Variants in MAML2 observed in about 807,000 individuals in gnomAD.
MAML2 encodes the protein mastermind-like protein 2.
MAML2 carries 22 observed loss-of-function variants against 96.1 expected under a neutral mutation model. The observed-to-expected ratio is 0.23, with a 90% confidence interval of 0.16 to 0.33. The LOEUF is 0.33. MAML2 is among the 10% of genes least tolerant of loss of function. The probability of loss-of-function intolerance (pLI) is 1.00; values close to 1 mark genes in which losing one functional copy is unlikely to be tolerated. For synonymous variants in MAML2, 561 were observed against 521.3 expected (o/e 1.08, Z -1.04); for missense variants, 1,367 against 1,392.4 (o/e 0.98, Z 0.29).
intron 1 of MAML2, among the ~76,000 whole-genome samples, chr11:96,149,836 T>C (rs1417737445): frequency 1.3e-5 from 2 of 152,192 alleles, no homozygotes; most frequent in Non-Finnish European, 2.9e-5. Context: ...GGTCTCCTTC[T>C]CCTTCTCTCT....
chr11:96,078,438 A>T (rs1429008791), intron 2 of MAML2, among the ~76,000 whole-genome samples: 1 of 152,252 alleles, frequency 6.6e-6, no homozygotes. Context: ...TTGTTCCTAC[A>T]GGAAAATCTG....
intron 1 of MAML2, among the ~76,000 whole-genome samples, chr11:96,289,306 G>A (rs1057310920): frequency 1.3e-5 from 2 of 152,150 alleles, no homozygotes; most frequent in Admixed American, 6.5e-5. Context: ...AAGGATAACT[G>A]TGCTTTTATA....
chr11:96,219,953 A>T (rs893657310), intron 1 of MAML2, among the ~76,000 whole-genome samples: 1 of 152,180 alleles, frequency 6.6e-6, no homozygotes, highest in Non-Finnish European at 1.5e-5. Context: ...TCCCTCAGTA[A>T]AATGAGACTA....
At chr11:96,324,321 A>G (rs754368963) in intron 1 of MAML2, among the ~76,000 whole-genome samples, 3 of 152,234 alleles carry the variant, frequency 2.0e-5, no homozygotes, top group Non-Finnish European at 4.4e-5. Context: ...AATTGCAAAG[A>G]TATGTTAACA....
chr11:96,132,610 G>A (rs1860564477), intron 1 of MAML2, among the ~76,000 whole-genome samples: 1 of 152,208 alleles, frequency 6.6e-6, no homozygotes, highest in South Asian at 2.1e-4. Flanking sequence ...AGACAGATAT[G>A]AGTCATTCTG....
intron 4 of MAML2, among the ~76,000 whole-genome samples, chr11:95,984,945 GGA>G (rs1857802832): frequency 6.6e-6 from 1 of 152,180 alleles, no homozygotes; most frequent in African/African-American, 2.4e-5. Flanking sequence ...ATGAGCGGGA[GGA>G]GAGAGAATTT....
intron 1 of MAML2, among the ~76,000 whole-genome samples, chr11:96,149,338 A>G (rs1860880040): frequency 7.0e-6 from 1 of 143,710 alleles, no homozygotes. Flanking sequence ...AATTGCTTGA[A>G]CTCAGGAGGT....
At chr11:96,078,054 T>C (rs1447492270) in intron 2 of MAML2, among the ~76,000 whole-genome samples, 2 of 152,146 alleles carry the variant, frequency 1.3e-5, no homozygotes, top group Non-Finnish European at 2.9e-5. Flanking sequence ...AGAGTGCAGC[T>C]GAAAATGCTC....
intron 1 of MAML2, among the ~76,000 whole-genome samples, chr11:96,198,093 T>C (rs1397821753): frequency 6.6e-6 from 1 of 152,210 alleles, no homozygotes; most frequent in Non-Finnish European, 1.5e-5. Context: ...ATATGTTCTC[T>C]TTTGCATTTA....
intron 1 of MAML2, among the ~76,000 whole-genome samples, chr11:96,334,789 A>G (rs1469378187): frequency 2.0e-5 from 3 of 152,238 alleles, no homozygotes; most frequent in Non-Finnish European, 4.4e-5. Context: ...TTGCTAAAAC[A>G]TTAAGACCTT....
intron 1 of MAML2, among the ~76,000 whole-genome samples, chr11:96,253,278 A>G (rs184383765): frequency 4.2e-4 from 64 of 152,346 alleles, no homozygotes; most frequent in African/African-American, 1.5e-3. Context: ...CTAGTAGAGG[A>G]AAATCAATGC....
chr11:96,270,134 T>A (rs1317683562), intron 1 of MAML2, among the ~76,000 whole-genome samples: 1 of 145,266 alleles, frequency 6.9e-6, no homozygotes, highest in Middle Eastern at 3.6e-3. Flanking sequence ...AGTTTTCTTA[T>A]CCTTAGTAAA....
intron 2 of MAML2, among the ~76,000 whole-genome samples, chr11:96,012,221 G>A (rs1053746812): frequency 2.0e-5 from 3 of 152,120 alleles, no homozygotes; most frequent in Non-Finnish European, 2.9e-5. Context: ...AAGTTCATTC[G>A]ACTTGGGCAA....
intron 2 of MAML2, among the ~76,000 whole-genome samples, chr11:96,088,523 C>T (rs1859653843): frequency 6.6e-6 from 1 of 152,158 alleles, no homozygotes; most frequent in Non-Finnish European, 1.5e-5. Context: ...TTCATTGCAT[C>T]CCCGTCTTGC....
chr11:96,101,148 C>A (rs1001412685), intron 1 of MAML2, among the ~76,000 whole-genome samples: 1 of 152,138 alleles, frequency 6.6e-6, no homozygotes, highest in African/African-American at 2.4e-5. Context: ...ACATACTGCC[C>A]TTCTGAAGGT....
intron 1 of MAML2, among the ~76,000 whole-genome samples, chr11:96,291,186 C>T (rs767426975): frequency 7.7e-4 from 93 of 120,984 alleles, no homozygotes; most frequent in Non-Finnish European, 1.1e-3. Flanking sequence ...AGTGCAATGG[C>T]GCAATATCGG....
At chr11:96,115,304 C>T (rs1289664756) in intron 1 of MAML2, among the ~76,000 whole-genome samples, 1 of 151,926 alleles carries the variant, frequency 6.6e-6, no homozygotes, top group Non-Finnish European at 1.5e-5. Context: ...GCTGGGACTA[C>T]AGGTGTGTAC....
intron 3 of MAML2, among the ~76,000 whole-genome samples, chr11:95,988,197 T>C (rs1344393594): frequency 1.3e-5 from 2 of 151,818 alleles, no homozygotes; most frequent in Admixed American, 1.3e-4. Context: ...GGTGCTTGAC[T>C]TCCCATCATA....
chr11:96,126,912 G>T (rs571663975), intron 1 of MAML2, among the ~76,000 whole-genome samples: 23 of 152,114 alleles, frequency 1.5e-4, no homozygotes, highest in East Asian at 5.8e-4. Context: ...ACATGGGGGG[G>T]GTCAAATGGT....
Sources: gnomAD v4.1 joint callset for allele counts (sites outside exome capture counted in the v4.1 genomes callset) on GRCh38, gnomAD v4.1.1 for gene constraint, MANE v1.5 for transcripts, NCBI Gene and HGNC (gene_info 2026-07-23, HGNC 2026-07-21) for gene names.